TMEM150C: variants seen among roughly 807,000 people sequenced by gnomAD.
TMEM150C encodes the protein tentonin 3.
In TMEM150C, 10 loss-of-function variants were observed where a neutral mutation model predicts 29.9. The ratio of observed to expected loss-of-function variants is 0.33; its 90% confidence interval spans 0.21 to 0.57. The LOEUF (loss-of-function observed/expected upper bound fraction) is 0.57, where lower values mean the gene tolerates loss of function less well. Among genes scored for constraint, TMEM150C ranks in the 20% least tolerant of loss-of-function variants. TMEM150C has a pLI of 0.88. For missense variants in TMEM150C, 251 were observed against 303.6 expected (o/e 0.83, Z 1.29); for synonymous variants, 101 against 112.5 (o/e 0.90, Z 0.64).
chr4:82,527,612 G>A (rs1187891717), intron 1 of TMEM150C, among the ~76,000 whole-genome samples: 1 of 152,158 alleles, frequency 6.6e-6, no homozygotes, highest in African/African-American at 2.4e-5. Flanking sequence ...GCTTGTGGTA[G>A]GTTGCTTCCC....
intron 1 of TMEM150C, among the ~76,000 whole-genome samples, chr4:82,556,684 C>T (rs752718219): frequency 6.6e-5 from 10 of 151,986 alleles, no homozygotes; most frequent in Non-Finnish European, 1.3e-4. Flanking sequence ...AAGAAAAGAA[C>T]AGAAAACAAT....
chr4:82,548,517 G>A (rs976989892), intron 1 of TMEM150C, among the ~76,000 whole-genome samples: 2 of 152,264 alleles, frequency 1.3e-5, no homozygotes, highest in African/African-American at 4.8e-5. Context: ...CTTTCCCATT[G>A]CCTTTCTGAG....
At chr4:82,501,451 C>T (rs910561635) in intron 5 of TMEM150C, among the ~76,000 whole-genome samples, 2 of 152,180 alleles carry the variant, frequency 1.3e-5, no homozygotes, top group Non-Finnish European at 2.9e-5. Context: ...GGTAGTGTAG[C>T]AGCCCAGGCT....
intron 1 of TMEM150C, among the ~76,000 whole-genome samples, chr4:82,505,761 G>A (rs752387255): frequency 7.9e-5 from 12 of 152,092 alleles, no homozygotes; most frequent in Non-Finnish European, 8.8e-5. Flanking sequence ...CGTTTTGGAG[G>A]TTACAAAAAT....
chr4:82,496,642 A>G (rs923624539), intron 5 of TMEM150C, among the ~76,000 whole-genome samples: 15 of 152,198 alleles, frequency 9.9e-5, no homozygotes, highest in African/African-American at 3.6e-4. Flanking sequence ...AGACAGACCG[A>G]CTCAGGCATC....
chr4:82,545,029 C>T (rs758861284), intron 1 of TMEM150C, among the ~76,000 whole-genome samples: 8 of 152,058 alleles, frequency 5.3e-5, no homozygotes, highest in Non-Finnish European at 8.8e-5. Context: ...GGAGGGACTC[C>T]TCCCTAACTC....
At chr4:82,505,792 C>T (rs1723900609) in intron 1 of TMEM150C, among the ~76,000 whole-genome samples, 1 of 152,180 alleles carries the variant, frequency 6.6e-6, no homozygotes, top group African/African-American at 2.4e-5. Flanking sequence ...AAAATCCCCC[C>T]TCACACAAAT....
At chr4:82,511,592 C>T (rs1159052424) in intron 1 of TMEM150C, among the ~76,000 whole-genome samples, 1 of 151,072 alleles carries the variant, frequency 6.6e-6, no homozygotes, top group African/African-American at 2.4e-5. Context: ...CCTCCCACTT[C>T]AGCTTTCTAA....
intron 1 of TMEM150C, among the ~76,000 whole-genome samples, chr4:82,515,597 C>A (rs1724269279): frequency 6.6e-6 from 1 of 152,042 alleles, no homozygotes; most frequent in African/African-American, 2.4e-5. Context: ...ATTAGCCGGG[C>A]ATGGTGGCAC....
chr4:82,540,439 T>C (rs1725164637), intron 1 of TMEM150C, among the ~76,000 whole-genome samples: 2 of 152,002 alleles, frequency 1.3e-5, no homozygotes, highest in Admixed American at 1.3e-4. Flanking sequence ...AATTAGTGTT[T>C]CACTACCTGG....
intron 1 of TMEM150C, among the ~76,000 whole-genome samples, chr4:82,527,364 C>T (rs995586361): frequency 3.3e-5 from 5 of 152,260 alleles, no homozygotes; most frequent in South Asian, 2.1e-4. Context: ...AGCTCGCACA[C>T]GTACTTGTTT....
rs572407894 is a variant in TMEM150C, at chr4:82,533,491, A to C, written c.-11+28415T>G. Reference sequence around the variant, plus strand: ...AAATATATCAACTCTCACAGTTTTGAGCTGATGCAGTTTTACAGTTATTTA... The same window carrying C: ...AAATATATCAACTCTCACAGTTTTGCGCTGATGCAGTTTTACAGTTATTTA... On this transcript the variant is annotated intron_variant, in intron 1 of 7. Transcript: ENST00000449862. 2.0e-5 allele frequency among the ~76,000 whole-genome samples: 3 copies of C among 152,360 alleles called. No individual in the cohort carries two copies. In the East Asian group the frequency reaches 5.8e-4, roughly 29 times the overall value.
intron 1 of TMEM150C, among the ~76,000 whole-genome samples, chr4:82,509,295 C>A (rs1253545785): frequency 1.3e-5 from 2 of 152,242 alleles, no homozygotes; most frequent in South Asian, 2.1e-4. Context: ...AGAAAATGAC[C>A]TGTAGCATGA....
At chr4:82,556,821 T>C (rs1315003786) in intron 1 of TMEM150C, among the ~76,000 whole-genome samples, 1 of 152,208 alleles carries the variant, frequency 6.6e-6, no homozygotes, top group Non-Finnish European at 1.5e-5. Context: ...AGCATCCCCA[T>C]CACCCTATGG....
At chr4:82,505,248 T>C (rs1234131814) in intron 1 of TMEM150C, among the ~76,000 whole-genome samples, 1 of 152,166 alleles carries the variant, frequency 6.6e-6, no homozygotes, top group Non-Finnish European at 1.5e-5. Flanking sequence ...GGTCTAGCTA[T>C]GTTGCCCAAG....
intron 1 of TMEM150C, among the ~76,000 whole-genome samples, chr4:82,504,933 G>A (rs555530130): frequency 6.6e-6 from 1 of 152,284 alleles, no homozygotes; most frequent in East Asian, 1.9e-4. Flanking sequence ...GGGAGGCTGA[G>A]GCAGGAGAAT....
At chr4:82,487,699 T>C (rs1189662896) in intron 7 of TMEM150C, among the ~76,000 whole-genome samples, 4 of 152,172 alleles carry the variant, frequency 2.6e-5, no homozygotes, top group African/African-American at 9.7e-5. Flanking sequence ...TGTAGAACTT[T>C]GGAAAATCAG....
At chr4:82,494,779 C>A in intron 6 of TMEM150C, 3 of 280,436 alleles carry the variant, frequency 1.1e-5, no homozygotes, top group South Asian at 1.0e-4. Flanking sequence ...AACCAATGTT[C>A]CTAATTTTTT....
chr4:82,511,168 G>T (rs957875856), intron 1 of TMEM150C, among the ~76,000 whole-genome samples: 2 of 152,076 alleles, frequency 1.3e-5, no homozygotes, highest in Non-Finnish European at 2.9e-5. Context: ...CCCTCCATCC[G>T]CAGATATAAA....
Sources: allele counts gnomAD v4.1 joint callset (sites outside exome capture counted in the v4.1 genomes callset), GRCh38; gene constraint gnomAD v4.1.1; transcripts MANE v1.5; gene names NCBI Gene and HGNC (gene_info 2026-07-23, HGNC 2026-07-21).